GRIN2A: variants seen among roughly 807,000 people sequenced by gnomAD.
GRIN2A encodes the protein glutamate receptor ionotropic, NMDA 2A.
A neutral mutation model predicts 113.4 loss-of-function variants in GRIN2A; 22 were observed. That is an observed-to-expected ratio of 0.19 (90% CI 0.14 to 0.28). The LOEUF (loss-of-function observed/expected upper bound fraction) is 0.28. Ranked by LOEUF, GRIN2A falls within the 10% of genes least tolerant of loss-of-function variation. The pLI, the probability that GRIN2A is intolerant of heterozygous loss-of-function variation, is 1.00. For missense variants in GRIN2A, 1,502 were observed against 1,887.0 expected, an observed-to-expected ratio of 0.80 and a Z score of 3.78; for synonymous variants, 827 against 738.4, an observed-to-expected ratio of 1.12 and a Z score of -1.94.
chr16:10,164,139 G>A (rs576569330), intron 2 of GRIN2A, among the ~76,000 whole-genome samples: 8 of 152,292 alleles, frequency 5.3e-5, no homozygotes, highest in African/African-American at 9.6e-5. Context: ...GGCTCTCTCC[G>A]GGGTAGGGGC....
chr16:9,784,913 A>G (rs1486291582), intron 11 of GRIN2A, among the ~76,000 whole-genome samples: 1 of 152,212 alleles, frequency 6.6e-6, no homozygotes, highest in Non-Finnish European at 1.5e-5. Context: ...ACCAGTTAGA[A>G]TGGCAATCAT....
At chr16:9,949,316 A>G (rs1221905648) in intron 2 of GRIN2A, among the ~76,000 whole-genome samples, 4 of 152,156 alleles carry the variant, frequency 2.6e-5, no homozygotes, top group African/African-American at 9.7e-5. Context: ...TGGACAGACG[A>G]ATGCATGGAT....
intron 2 of GRIN2A, among the ~76,000 whole-genome samples, chr16:10,103,050 C>G (rs2048430074): frequency 6.6e-6 from 1 of 152,194 alleles, no homozygotes; most frequent in South Asian, 2.1e-4. Flanking sequence ...CATCAAGAAG[C>G]TCAAAGACTA....
intron 11 of GRIN2A, among the ~76,000 whole-genome samples, chr16:9,772,932 A>AG (rs1263521928): frequency 8.6e-5 from 13 of 151,452 alleles, no homozygotes; most frequent in Non-Finnish European, 1.3e-4. Flanking sequence ...CAAAAAAAAA[A>AG]AAAAAAAAAA....
chr16:9,812,331 T>A (rs1056551224), intron 10 of GRIN2A, among the ~76,000 whole-genome samples: 4 of 152,148 alleles, frequency 2.6e-5, no homozygotes, highest in Non-Finnish European at 5.9e-5. Context: ...ATAAATGGAA[T>A]CTGTTAGTTA....
intron 2 of GRIN2A, among the ~76,000 whole-genome samples, chr16:10,156,506 C>A (rs2049696974): frequency 6.6e-6 from 1 of 152,164 alleles, no homozygotes; most frequent in Non-Finnish European, 1.5e-5. Flanking sequence ...TTTGCTCTTT[C>A]AACCCACGTA....
At chr16:10,142,720 A>G (rs1269056899) in intron 2 of GRIN2A, among the ~76,000 whole-genome samples, 3 of 151,996 alleles carry the variant, frequency 2.0e-5, no homozygotes, top group Non-Finnish European at 4.4e-5. Flanking sequence ...ACAAATTTAA[A>G]CCAACCAAAG....
intron 2 of GRIN2A, among the ~76,000 whole-genome samples, chr16:10,095,711 G>C (rs969920810): frequency 5.9e-5 from 9 of 152,192 alleles, no homozygotes; most frequent in Non-Finnish European, 1.3e-4. Flanking sequence ...CAAGTTACTT[G>C]TTAATTACAA....
chr16:9,860,528 G>A (rs952837841), intron 4 of GRIN2A, among the ~76,000 whole-genome samples: 4 of 151,696 alleles, frequency 2.6e-5, no homozygotes, highest in African/African-American at 9.7e-5. Context: ...TATCCTATGG[G>A]CAAGTGACAT....
At chr16:10,055,074 A>G (rs1394721484) in intron 2 of GRIN2A, among the ~76,000 whole-genome samples, 2 of 79,950 alleles carry the variant, frequency 2.5e-5, no homozygotes, top group Admixed American at 1.3e-4. Flanking sequence ...AAAAAAAAAA[A>G]AAAAAAAAAA....
intron 11 of GRIN2A, among the ~76,000 whole-genome samples, chr16:9,797,326 T>C (rs1347815244): frequency 2.0e-5 from 3 of 152,206 alleles, no homozygotes; most frequent in African/African-American, 4.8e-5. Flanking sequence ...GCTTTTCCTA[T>C]TTCCTCCGTG....
At chr16:10,140,556 C>T (rs137951187) in intron 2 of GRIN2A, among the ~76,000 whole-genome samples, 43 of 152,264 alleles carry the variant, frequency 2.8e-4, no homozygotes, top group African/African-American at 9.6e-4. Context: ...GTCCAGAAAA[C>T]ACTCTTTCTT....
intron 2 of GRIN2A, among the ~76,000 whole-genome samples, chr16:10,066,788 T>A (rs567140379): frequency 2.0e-5 from 3 of 152,294 alleles, no homozygotes; most frequent in African/African-American, 7.2e-5. Flanking sequence ...AGCTCAGCAG[T>A]AGGCACTTGG....
At chr16:9,869,162 C>T (rs888042666) in intron 4 of GRIN2A, among the ~76,000 whole-genome samples, 5 of 152,144 alleles carry the variant, frequency 3.3e-5, no homozygotes, top group Admixed American at 6.5e-5. Flanking sequence ...TAGCCAGGAG[C>T]GGTGGCTCAC....
intron 2 of GRIN2A, among the ~76,000 whole-genome samples, chr16:10,127,597 T>C (rs72776049): frequency 0.24 from 36,753 of 152,184 alleles, 5,221 homozygotes; most frequent in East Asian, 0.37. Flanking sequence ...TGCCTGTTTA[T>C]CTGTCTCCCC....
chr16:9,940,968 G>A (rs1026918045), intron 2 of GRIN2A, among the ~76,000 whole-genome samples: 5 of 152,156 alleles, frequency 3.3e-5, no homozygotes, highest in South Asian at 2.1e-4. Context: ...ACTGTGAGAC[G>A]CCTCTTGGGA....
intron 2 of GRIN2A, among the ~76,000 whole-genome samples, chr16:10,007,743 C>T (rs543726643): frequency 6.6e-6 from 1 of 152,104 alleles, no homozygotes; most frequent in South Asian, 2.1e-4. Flanking sequence ...AGCAAATGGC[C>T]TTTGACAGGA....
chr16:10,080,388 G>A (rs2047955647), intron 2 of GRIN2A, among the ~76,000 whole-genome samples: 2 of 152,166 alleles, frequency 1.3e-5, no homozygotes, highest in Non-Finnish European at 2.9e-5. Flanking sequence ...TGCAGAAAGC[G>A]AAGGTGGAAG....
At chr16:10,110,180 A>G (rs1314265014) in intron 2 of GRIN2A, among the ~76,000 whole-genome samples, 1 of 152,210 alleles carries the variant, frequency 6.6e-6, no homozygotes, top group Non-Finnish European at 1.5e-5. Context: ...GAACAACAAG[A>G]AAGTTCTGGG....
Sources: allele counts gnomAD v4.1 joint callset (sites outside exome capture counted in the v4.1 genomes callset), GRCh38; gene constraint gnomAD v4.1.1; transcripts MANE v1.5; gene names NCBI Gene and HGNC (gene_info 2026-07-23, HGNC 2026-07-21).